LRRC7: variants seen among roughly 807,000 people sequenced by gnomAD.
The protein encoded by LRRC7 is leucine rich repeat containing 7.
Under a neutral mutation model 175.7 loss-of-function variants are expected in LRRC7, and 23 were observed. That is an observed-to-expected ratio of 0.13 (90% CI 0.09 to 0.19). The LOEUF is 0.19. Among genes scored for constraint, LRRC7 ranks in the 10% least tolerant of loss-of-function variants. LRRC7 has a pLI of 1.00. For synonymous variants in LRRC7, 685 were observed against 680.9 expected (o/e 1.01, Z -0.09); for missense variants, 1,354 against 1,904.7 (o/e 0.71, Z 5.38).
chr1:70,037,220 T>C (rs1267110719), intron 20 of LRRC7, among the ~76,000 whole-genome samples: 1 of 152,248 alleles, frequency 6.6e-6, no homozygotes, highest in East Asian at 1.9e-4. Context: ...CTTGTTGCTA[T>C]GTTTTACACT....
At chr1:69,603,020 T>C (rs765832905) in intron 1 of LRRC7, among the ~76,000 whole-genome samples, 2 of 152,234 alleles carry the variant, frequency 1.3e-5, no homozygotes, top group Non-Finnish European at 2.9e-5. Context: ...CAAAATTGCC[T>C]AACAACACAT....
intron 25 of LRRC7, among the ~76,000 whole-genome samples, chr1:70,096,882 T>C (rs922359009): frequency 7.2e-5 from 11 of 152,146 alleles, no homozygotes; most frequent in Admixed American, 5.2e-4. Context: ...CGAGAATGAC[T>C]TTTACTTCTA....
At chr1:69,853,100 A>G (rs1175181413) in intron 7 of LRRC7, among the ~76,000 whole-genome samples, 1 of 152,052 alleles carries the variant, frequency 6.6e-6, no homozygotes, top group Non-Finnish European at 1.5e-5. Flanking sequence ...CTCCTTATAA[A>G]GCTGATATTG....
chr1:69,828,833 T>C (rs1277650192), intron 5 of LRRC7, among the ~76,000 whole-genome samples: 1 of 152,020 alleles, frequency 6.6e-6, no homozygotes, highest in Non-Finnish European at 1.5e-5. Context: ...TCACAACATA[T>C]AAAACTTAGA....
intron 14 of LRRC7, 28 bp from the exon 15 acceptor site, chr1:70,018,691 A>C (rs775170733): frequency 6.6e-7 from 1 of 1,513,904 alleles, no homozygotes; most frequent in Non-Finnish European, 9.2e-7. Flanking sequence ...AATTGTATTC[A>C]TCTAATTTGT....
chr1:69,758,251 C>T (rs1363076341), intron 2 of LRRC7, among the ~76,000 whole-genome samples: 3 of 151,910 alleles, frequency 2.0e-5, no homozygotes, highest in Non-Finnish European at 2.9e-5. Context: ...TTCTGGTTCC[C>T]AGAAATGAAA....
intron 7 of LRRC7, among the ~76,000 whole-genome samples, chr1:69,912,555 C>T: frequency 6.6e-6 from 1 of 152,094 alleles, no homozygotes; most frequent in East Asian, 1.9e-4. Context: ...AGCCCCCCAC[C>T]CTCAGAAATA....
At chr1:69,828,664 C>A (rs1680198134) in intron 5 of LRRC7, among the ~76,000 whole-genome samples, 1 of 151,910 alleles carries the variant, frequency 6.6e-6, no homozygotes, top group African/African-American at 2.4e-5. Flanking sequence ...CATGGTTGTG[C>A]TAAGGAGGTA....
chr1:69,900,445 A>T (rs962378642), intron 7 of LRRC7, among the ~76,000 whole-genome samples: 1 of 152,192 alleles, frequency 6.6e-6, no homozygotes, highest in African/African-American at 2.4e-5. Context: ...ATACATTTTT[A>T]AAAATTATTA....
intron 2 of LRRC7, among the ~76,000 whole-genome samples, chr1:69,690,530 C>A (rs930923286): frequency 2.6e-5 from 4 of 152,062 alleles, no homozygotes; most frequent in African/African-American, 9.7e-5. Context: ...AATTTCAGCC[C>A]TTTTTACACC....
intron 1 of LRRC7, among the ~76,000 whole-genome samples, chr1:69,587,659 T>A (rs182437193): frequency 6.6e-6 from 1 of 152,248 alleles, no homozygotes; most frequent in Non-Finnish European, 1.5e-5. Context: ...AATTGGATCG[T>A]GGGGGTGGTT....
intron 7 of LRRC7, chr1:69,879,650 T>G (rs1686400259): frequency 6.6e-6 from 1 of 152,382 alleles, no homozygotes. Flanking sequence ...GCAGGAGGAT[T>G]TCTTGACCCC....
rs57916096 is a variant in LRRC7, at chr1:69,700,361, A to G, written c.100+21883A>G. 3.9e-5 allele frequency among the ~76,000 whole-genome samples: 6 copies of G among 152,340 alleles called. No homozygotes were observed. In the East Asian group the frequency reaches 1.2e-3, roughly 29 times the overall value. On this transcript the variant is annotated intron_variant, in intron 2 of 26. Transcript: ENST00000651989. ...GAACAATTCCTGGCATATAGCAAACACTATGTAACTATGTGCTATTAGTAT... is the reference window on the plus strand; with the variant it reads ...GAACAATTCCTGGCATATAGCAAACGCTATGTAACTATGTGCTATTAGTAT...
intron 2 of LRRC7, among the ~76,000 whole-genome samples, chr1:69,685,717 T>G (rs1288748955): frequency 6.6e-6 from 1 of 151,886 alleles, no homozygotes; most frequent in African/African-American, 2.4e-5. Flanking sequence ...GAACAGAACC[T>G]CAGGGATTTG....
chr1:69,608,885 TATATATATATATATAC>T (rs1372818898), intron 1 of LRRC7, among the ~76,000 whole-genome samples: 15 of 139,162 alleles, frequency 1.1e-4, no homozygotes, highest in African/African-American at 4.0e-4. Context: ...TATATATATA[TATATATATATATATAC>T]ACACACACAC....
At chr1:70,053,665 T>C (rs1030036297) in intron 23 of LRRC7, among the ~76,000 whole-genome samples, 5 of 152,066 alleles carry the variant, frequency 3.3e-5, no homozygotes, top group Non-Finnish European at 7.4e-5. Flanking sequence ...TGCTGAGTGA[T>C]AAGTAGGTAA....
intron 1 of LRRC7, among the ~76,000 whole-genome samples, chr1:69,572,400 A>G (rs989833291): frequency 3.3e-5 from 5 of 152,276 alleles, no homozygotes; most frequent in African/African-American, 1.2e-4. Flanking sequence ...CTAAATCAAA[A>G]GAAGGAGATT....
At chr1:69,848,073 T>C (rs1373194134) in intron 7 of LRRC7, among the ~76,000 whole-genome samples, 2 of 152,100 alleles carry the variant, frequency 1.3e-5, no homozygotes, top group Non-Finnish European at 2.9e-5. Flanking sequence ...AATTATCCCT[T>C]AACTTTCCCA....
intron 1 of LRRC7, among the ~76,000 whole-genome samples, chr1:69,623,252 T>G (rs1328904471): frequency 6.6e-6 from 1 of 152,178 alleles, no homozygotes; most frequent in African/African-American, 2.4e-5. Context: ...TTGAATTGAC[T>G]TAAATCAATA....
Sources: allele counts gnomAD v4.1 joint callset (sites outside exome capture counted in the v4.1 genomes callset), GRCh38; gene constraint gnomAD v4.1.1; transcripts MANE v1.5; gene names NCBI Gene and HGNC (gene_info 2026-07-23, HGNC 2026-07-21).